Variants in RAB6A observed in about 807,000 individuals in gnomAD.
RAB6A encodes RAB6A, member RAS oncogene family.
RAB6A carries 8 observed loss-of-function variants against 32.3 expected under a neutral mutation model. The ratio of observed to expected loss-of-function variants is 0.25; its 90% CI spans 0.15 to 0.45. RAB6A has a LOEUF of 0.45. Ranked by LOEUF, RAB6A falls within the 20% of genes least tolerant of loss-of-function variation. RAB6A has a pLI of 1.00. For synonymous variants in RAB6A, 73 were observed against 82.1 expected (o/e 0.89, Z 0.60); for missense variants, 104 against 249.4 (o/e 0.42, Z 3.93).
rs142616676 is a variant in RAB6A, at chr11:73,679,477, A to C, written c.562+177T>G. Among the ~76,000 whole-genome samples, 1,386 of 152,236 alleles carry C rather than the reference A, an allele frequency of 9.1e-3. 15 individuals carry two copies. Among genetic ancestry groups the C allele is most frequent in the Middle Eastern group, 0.034 (10 of 294 alleles). ...ATTAACAACGAGAAGCAGGCTGCAA[A>C]GGGTGCACTTGGATAACCAGACCTC... On this transcript the variant is annotated intron_variant, in intron 7 of 7. Transcript: ENST00000336083.
chr11:73,687,221 G>C (rs1413093902), intron 6 of RAB6A, among the ~76,000 whole-genome samples: 2 of 152,098 alleles, frequency 1.3e-5, no homozygotes, highest in African/African-American at 2.4e-5. Context: ...CAATGGCTGG[G>C]GGAAGGGGGA....
At chr11:73,741,037 CAAT>C (rs563809318) in intron 1 of RAB6A, among the ~76,000 whole-genome samples, 5 of 152,220 alleles carry the variant, frequency 3.3e-5, no homozygotes, top group South Asian at 2.1e-4. Context: ...GGTTTCTCCA[CAAT>C]AATATTTATT....
intron 7 of RAB6A, among the ~76,000 whole-genome samples, chr11:73,678,460 T>C (rs1945300633): frequency 6.6e-6 from 1 of 151,882 alleles, no homozygotes; most frequent in Non-Finnish European, 1.5e-5. Context: ...CTACTAAAAA[T>C]ATAAAAATTA....
chr11:73,694,955 A>G (rs1030170320), intron 6 of RAB6A, among the ~76,000 whole-genome samples: 17 of 152,212 alleles, frequency 1.1e-4, no homozygotes, highest in African/African-American at 3.9e-4. Context: ...GATTGAGGTA[A>G]CAGTGAGCTG....
intron 1 of RAB6A, among the ~76,000 whole-genome samples, chr11:73,741,619 G>C (rs905008493): frequency 6.6e-6 from 1 of 151,912 alleles, no homozygotes; most frequent in Non-Finnish European, 1.5e-5. Context: ...TCCTTCAGTA[G>C]GTGAATGGAT....
chr11:73,692,139 T>A (rs539981331), intron 6 of RAB6A, among the ~76,000 whole-genome samples: 1 of 152,226 alleles, frequency 6.6e-6, no homozygotes, highest in South Asian at 2.1e-4. Flanking sequence ...GAGCTTATTT[T>A]CATATCAAGT....
chr11:73,721,575 GA>G (rs2134953015), intron 2 of RAB6A, among the ~76,000 whole-genome samples: 1 of 151,882 alleles, frequency 6.6e-6, no homozygotes, highest in East Asian at 1.9e-4. Context: ...AAAAAGAAAG[GA>G]AAAAAAGTAT....
chr11:73,677,499 G>T lies in RAB6A; in HGVS notation c.*399C>A. 2.8e-6 allele frequency: 1 copy of T among 354,952 alleles called. No homozygotes were observed. Among genetic ancestry groups the T allele is most frequent in the Non-Finnish European group, 5.4e-6 (1 of 186,898 alleles). The allele number at this position is 354,952 out of a possible 1,614,324, so 22.0% of individuals were successfully genotyped here. On this transcript the variant is annotated 3_prime_UTR_variant, in exon 8 of 8. Transcript: ENST00000336083. ...AGGGTAATAGGGAATGGGGGTAAGT[G>T]AGAGGTGAGAAAAGCAAGGAGAGAT...
At chr11:73,706,833 T>C (rs1290702437) in intron 6 of RAB6A, among the ~76,000 whole-genome samples, 1 of 151,960 alleles carries the variant, frequency 6.6e-6, no homozygotes, top group East Asian at 1.9e-4. Flanking sequence ...TGAAATAAAA[T>C]TTACCGGCCG....
intron 1 of RAB6A, among the ~76,000 whole-genome samples, chr11:73,735,011 C>T (rs572418802): frequency 1.2e-3 from 189 of 152,306 alleles, no homozygotes; most frequent in African/African-American, 4.4e-3. Flanking sequence ...AATTTTGATG[C>T]ATGTATTTGT....
intron 5 of RAB6A, among the ~76,000 whole-genome samples, chr11:73,713,646 A>G (rs550863195): frequency 1.3e-4 from 20 of 152,126 alleles, no homozygotes; most frequent in Non-Finnish European, 2.6e-4. Flanking sequence ...TATGCTCTCT[A>G]TGTATTCAAA....
chr11:73,721,493 T>G (rs1440693663), intron 2 of RAB6A, among the ~76,000 whole-genome samples: 1 of 152,228 alleles, frequency 6.6e-6, no homozygotes, highest in Non-Finnish European at 1.5e-5. Flanking sequence ...AAAGTTCTAT[T>G]GCCTGGCTGC....
At chr11:73,700,609 T>G (rs902451011) in intron 6 of RAB6A, among the ~76,000 whole-genome samples, 151 of 28,582 alleles carry the variant, frequency 5.3e-3, no homozygotes, top group South Asian at 6.9e-3. Context: ...AGTGTGTGTG[T>G]GGGGGGGGGG....
At chr11:73,759,958 T>A in intron 1 of RAB6A, 6 of 1,075,916 alleles carry the variant, frequency 5.6e-6, no homozygotes, top group Non-Finnish European at 7.4e-6. Flanking sequence ...GCTCAAGTCG[T>A]CTCCAATTCA....
At chr11:73,733,156 G>C (rs929994774) in intron 1 of RAB6A, among the ~76,000 whole-genome samples, 2 of 152,148 alleles carry the variant, frequency 1.3e-5, no homozygotes, top group Non-Finnish European at 2.9e-5. Flanking sequence ...TTGGTTGGCA[G>C]AAGCTGCTTC....
intron 1 of RAB6A, among the ~76,000 whole-genome samples, chr11:73,753,088 A>G (rs2135015860): frequency 6.6e-6 from 1 of 152,164 alleles, no homozygotes; most frequent in South Asian, 2.1e-4. Flanking sequence ...TTTGCTAAAA[A>G]AATTTTTTTT....
At chr11:73,709,746 G>C (rs1443071807) in intron 5 of RAB6A, among the ~76,000 whole-genome samples, 3 of 148,642 alleles carry the variant, frequency 2.0e-5, no homozygotes, top group Non-Finnish European at 4.4e-5. Context: ...CATTCCTCCT[G>C]GTTTAAATCT....
intron 5 of RAB6A, among the ~76,000 whole-genome samples, chr11:73,708,851 T>G (rs1590848248): frequency 6.6e-6 from 1 of 152,182 alleles, no homozygotes; most frequent in African/African-American, 2.4e-5. Flanking sequence ...AGAGTTGTCC[T>G]TATTCTCAAA....
intron 6 of RAB6A, among the ~76,000 whole-genome samples, chr11:73,692,080 G>C (rs373524973): frequency 1.3e-5 from 2 of 152,104 alleles, no homozygotes; most frequent in Admixed American, 6.6e-5. Context: ...TTAATTCTTT[G>C]GGTATAACTA....
Sources: gnomAD v4.1 joint callset for allele counts (sites outside exome capture counted in the v4.1 genomes callset) on GRCh38, gnomAD v4.1.1 for gene constraint, MANE v1.5 for transcripts, NCBI Gene and HGNC (gene_info 2026-07-23, HGNC 2026-07-21) for gene names.